CCDC91: variants seen among roughly 807,000 people sequenced by gnomAD.
CCDC91 encodes coiled-coil domain containing 91.
Under a neutral mutation model 63.2 loss-of-function variants are expected in CCDC91, and 48 were observed. The ratio of observed to expected loss-of-function variants is 0.76; its 90% CI spans 0.60 to 0.97. The LOEUF is 0.97. Among genes scored for constraint, CCDC91 ranks in the 50% least tolerant of loss-of-function variants. The pLI is 0.00. For synonymous variants in CCDC91, 167 were observed against 165.8 expected (o/e 1.01, Z -0.06); for missense variants, 500 against 494.6 (o/e 1.01, Z -0.10).
chr12:28,465,209 T>C (rs1166945610), intron 11 of CCDC91, among the ~76,000 whole-genome samples: 1 of 152,106 alleles, frequency 6.6e-6, no homozygotes, highest in Non-Finnish European at 1.5e-5. Context: ...GAACACCAGG[T>C]AGATGTCTAC....
intron 7 of CCDC91, among the ~76,000 whole-genome samples, chr12:28,367,429 T>C (rs1944345166): frequency 6.6e-6 from 1 of 152,084 alleles, no homozygotes; most frequent in Admixed American, 6.6e-5. Context: ...AAATAGAAAT[T>C]ACCCAATTCG....
intron 8 of CCDC91, among the ~76,000 whole-genome samples, chr12:28,440,412 A>C (rs74985894): frequency 0.02 from 3,049 of 152,294 alleles, 114 homozygotes; most frequent in African/African-American, 0.068. Context: ...ACCAGTCTAA[A>C]GCTAGAGTTA....
chr12:28,403,543 C>T (rs927445987), intron 8 of CCDC91, among the ~76,000 whole-genome samples: 13 of 152,156 alleles, frequency 8.5e-5, no homozygotes, highest in South Asian at 4.1e-4. Context: ...TCTCTGGGGT[C>T]TCTTTAATAA....
chr12:28,407,178 A>G (rs1182540533), intron 8 of CCDC91, among the ~76,000 whole-genome samples: 1 of 151,678 alleles, frequency 6.6e-6, no homozygotes, highest in African/African-American at 2.4e-5. Context: ...CCTGAGGCCT[A>G]CTCCCCAAAA....
At chr12:28,325,805 G>A (rs558031847) in intron 6 of CCDC91, among the ~76,000 whole-genome samples, 20 of 152,028 alleles carry the variant, frequency 1.3e-4, no homozygotes, top group African/African-American at 4.6e-4. Flanking sequence ...TAGGGCAAGG[G>A]GGTGGGGAGG....
chr12:28,194,845 G>A (rs760274436), intron 1 of CCDC91, among the ~76,000 whole-genome samples: 4 of 152,106 alleles, frequency 2.6e-5, no homozygotes, highest in African/African-American at 4.8e-5. Context: ...TAAAGGTGGC[G>A]TGTCCGGAGT....
intron 1 of CCDC91, among the ~76,000 whole-genome samples, chr12:28,240,917 A>G (rs765129898): frequency 3.3e-5 from 5 of 152,178 alleles, no homozygotes; most frequent in Middle Eastern, 3.2e-3. Context: ...TAGGAGGTAT[A>G]TATTTAATTC....
chr12:28,253,542 T>G (rs1464960203), intron 1 of CCDC91, among the ~76,000 whole-genome samples: 1 of 152,208 alleles, frequency 6.6e-6, no homozygotes, highest in African/African-American at 2.4e-5. Flanking sequence ...TACTTGACTT[T>G]CAGTACCTCC....
Position 28,259,412 on chromosome 12 carries a change from C to G in CCDC91, c.79C>G (p.Pro27Ala), listed in dbSNP as rs1436268212. Residue 27 changes from proline (P) to alanine (A), a missense_variant, in exon 3 of 13, where the codon CCT becomes GCT. Pro to Ala is a conservative substitution (Grantham distance 27, BLOSUM62 -1). Transcript: ENST00000536442. ...GGSGETQTTSPAIPWAAFPAV... is the reference protein window; with the variant it reads ...GGSGETQTTSAAIPWAAFPAV... ...AAGTGGTGAAACCCAAACAACATCT[C>G]CTGCTATTCCTTGGGCTGCCTTTCC... is the stretch of plus-strand genomic sequence containing the variant. The G allele has an allele frequency of 6.2e-7, 1 of 1,610,644 alleles. No individual in the cohort carries two copies. Among genetic ancestry groups the G allele is most frequent in the Non-Finnish European group, 8.5e-7 (1 of 1,177,976 alleles).
intron 8 of CCDC91, among the ~76,000 whole-genome samples, chr12:28,409,139 A>T (rs1947155986): frequency 6.6e-6 from 1 of 152,198 alleles, no homozygotes; most frequent in Non-Finnish European, 1.5e-5. Context: ...AAATAGAAAG[A>T]TGAGAAGCAA....
At chr12:28,398,887 A>G (rs1268936615) in intron 8 of CCDC91, among the ~76,000 whole-genome samples, 1 of 152,226 alleles carries the variant, frequency 6.6e-6, no homozygotes, top group Admixed American at 6.5e-5. Context: ...AATTCCAGAT[A>G]CAAATCCTTT....
intron 8 of CCDC91, among the ~76,000 whole-genome samples, chr12:28,391,932 A>T (rs756275512): frequency 6.6e-6 from 1 of 152,192 alleles, no homozygotes; most frequent in Non-Finnish European, 1.5e-5. Context: ...TAAATAATGT[A>T]TGTAAGAATT....
At chr12:28,412,674 G>A in intron 8 of CCDC91, 1 of 441,868 alleles carries the variant, frequency 2.3e-6, no homozygotes, top group Admixed American at 2.4e-5. Flanking sequence ...GGGGACCTGA[G>A]CAGGTTGCTG....
chr12:28,313,585 A>G (rs912738819), intron 6 of CCDC91, among the ~76,000 whole-genome samples: 1 of 152,188 alleles, frequency 6.6e-6, no homozygotes, highest in African/African-American at 2.4e-5. Context: ...TTAAAAAACA[A>G]CATTAATGAT....
At chr12:28,345,098 C>A (rs188693610) in intron 6 of CCDC91, among the ~76,000 whole-genome samples, 8 of 152,120 alleles carry the variant, frequency 5.3e-5, no homozygotes, top group Admixed American at 4.6e-4. Context: ...TTAAAAAGTA[C>A]AAAAGGCTAT....
intron 8 of CCDC91, among the ~76,000 whole-genome samples, chr12:28,428,670 A>G (rs1261712495): frequency 1.3e-5 from 2 of 151,062 alleles, no homozygotes; most frequent in Non-Finnish European, 2.9e-5. Flanking sequence ...TCGTTTTTTA[A>G]TTTTCTACAT....
intron 8 of CCDC91, among the ~76,000 whole-genome samples, chr12:28,440,756 G>A (rs1949143746): frequency 6.6e-6 from 1 of 151,816 alleles, no homozygotes; most frequent in Non-Finnish European, 1.5e-5. Context: ...TGAACAGCAG[G>A]CTTAAAAGAA....
rs572597439 is a variant in CCDC91, at chr12:28,533,708, A to G, written c.1216-15355A>G. 3.9e-5 allele frequency among the ~76,000 whole-genome samples: 6 copies of G among 152,144 alleles called. No homozygotes were observed. The South Asian group carries it at 1.2e-3, about 32-fold the overall frequency. The stretch of plus-strand genomic sequence containing the variant: ...TAGCCATTACAATGACCCTTAATAT[A>G]TATTTATTTATCATGCTCCTCTTCT... On this transcript the variant is annotated intron_variant, in intron 12 of 12. Transcript: ENST00000536442.
intron 6 of CCDC91, among the ~76,000 whole-genome samples, chr12:28,342,835 A>G (rs921266778): frequency 2.0e-5 from 3 of 152,196 alleles, no homozygotes; most frequent in Non-Finnish European, 4.4e-5. Flanking sequence ...GTTAGCTTCC[A>G]TTTTATAAGA....
Sources: allele counts gnomAD v4.1 joint callset (sites outside exome capture counted in the v4.1 genomes callset), GRCh38; gene constraint gnomAD v4.1.1; transcripts MANE v1.5; gene names NCBI Gene and HGNC (gene_info 2026-07-23, HGNC 2026-07-21).